Variants in CTNNA2 observed in about 807,000 individuals in gnomAD.
CTNNA2 encodes catenin alpha-2.
In CTNNA2, 42 loss-of-function variants were observed where a neutral mutation model predicts 101.0. The observed-to-expected ratio is 0.42, with a 90% CI of 0.32 to 0.54. The LOEUF (loss-of-function observed/expected upper bound fraction) is 0.54. Among genes scored for constraint, CTNNA2 ranks in the 20% least tolerant of loss-of-function variants. The probability of loss-of-function intolerance (pLI) is 0.14; values close to 1 mark genes in which losing one functional copy is unlikely to be tolerated. For synonymous variants in CTNNA2, 450 were observed against 456.4 expected, an observed-to-expected ratio of 0.99 and a Z score of 0.18; for missense variants, 871 against 1,223.1, an observed-to-expected ratio of 0.71 and a Z score of 4.29.
intron 4 of CTNNA2, among the ~76,000 whole-genome samples, chr2:79,404,050 TCTTTC>T (rs1362189229): frequency 1.3e-5 from 2 of 151,988 alleles, no homozygotes; most frequent in Non-Finnish European, 2.9e-5. Flanking sequence ...GAATTCTTGC[TCTTTC>T]CTTCTGTTTC....
intron 7 of CTNNA2, among the ~76,000 whole-genome samples, chr2:79,950,570 T>C (rs754546493): frequency 3.9e-5 from 6 of 152,222 alleles, no homozygotes; most frequent in Non-Finnish European, 8.8e-5. Flanking sequence ...GTAAAGAATG[T>C]TTACTGACTG....
At chr2:79,608,362 A>G (rs1263514592) in intron 1 of CTNNA2, among the ~76,000 whole-genome samples, 1 of 152,076 alleles carries the variant, frequency 6.6e-6, no homozygotes, top group East Asian at 1.9e-4. Context: ...GTTCTATACA[A>G]TTATCTTACA....
intron 4 of CTNNA2, among the ~76,000 whole-genome samples, chr2:79,443,788 AT>A (rs1678801463): frequency 6.6e-6 from 1 of 152,092 alleles, no homozygotes; most frequent in Admixed American, 6.6e-5. Flanking sequence ...ACATCCTGAT[AT>A]TATGTAAGGC....
intron 7 of CTNNA2, among the ~76,000 whole-genome samples, chr2:80,204,343 A>C (rs554193774): frequency 3.6e-4 from 55 of 152,280 alleles, no homozygotes; most frequent in African/African-American, 1.3e-3. Context: ...TTCCCCTTTA[A>C]AACTGAATGC....
chr2:79,562,533 A>G (rs1674844264), intron 1 of CTNNA2, among the ~76,000 whole-genome samples: 1 of 152,044 alleles, frequency 6.6e-6, no homozygotes, highest in South Asian at 2.1e-4. Context: ...CTAGCTGCCT[A>G]CAATCTGTTT....
At chr2:79,439,442 T>C (rs528769692) in intron 4 of CTNNA2, among the ~76,000 whole-genome samples, 10 of 152,306 alleles carry the variant, frequency 6.6e-5, no homozygotes, top group Non-Finnish European at 1.0e-4. Flanking sequence ...TGACTGCTGA[T>C]GGGTACAGAG....
intron 7 of CTNNA2, among the ~76,000 whole-genome samples, chr2:80,184,722 T>C (rs1706000342): frequency 6.6e-6 from 1 of 152,306 alleles, no homozygotes; most frequent in South Asian, 2.1e-4. Flanking sequence ...CTTTAGTTTG[T>C]TTTATATACC....
At chr2:79,773,420 C>T (rs1673733435) in intron 3 of CTNNA2, among the ~76,000 whole-genome samples, 1 of 152,112 alleles carries the variant, frequency 6.6e-6, no homozygotes, top group Non-Finnish European at 1.5e-5. Context: ...CAATATATGT[C>T]TCCCGTTCAG....
At chr2:79,256,675 G>A (rs1382842840) in intron 2 of CTNNA2, among the ~76,000 whole-genome samples, 1 of 152,112 alleles carries the variant, frequency 6.6e-6, no homozygotes, top group Non-Finnish European at 1.5e-5. Flanking sequence ...GTTCCTGTCC[G>A]AGTTACTCCT....
intron 7 of CTNNA2, among the ~76,000 whole-genome samples, chr2:80,330,243 C>A (rs1671198808): frequency 6.6e-6 from 1 of 152,230 alleles, no homozygotes; most frequent in South Asian, 2.1e-4. Flanking sequence ...CTTAGTCTTC[C>A]TAATAATCCT....
intron 7 of CTNNA2, among the ~76,000 whole-genome samples, chr2:80,063,939 C>T (rs2148762861): frequency 6.6e-6 from 1 of 152,220 alleles, no homozygotes; most frequent in East Asian, 1.9e-4. Flanking sequence ...GTCTAGGCTA[C>T]ACTACCAAGG....
intron 2 of CTNNA2, among the ~76,000 whole-genome samples, chr2:79,249,999 G>C (rs561843731): frequency 2.0e-5 from 3 of 152,284 alleles, no homozygotes; most frequent in African/African-American, 7.2e-5. Context: ...TGCTACTGCT[G>C]TGTTCCATAA....
At chr2:80,021,794 T>C (rs889513987) in intron 7 of CTNNA2, among the ~76,000 whole-genome samples, 13 of 152,154 alleles carry the variant, frequency 8.5e-5, no homozygotes, top group African/African-American at 3.1e-4. Context: ...CCGTGTTATA[T>C]AATACATCTC....
At chr2:80,020,307 G>A (rs1021996527) in intron 7 of CTNNA2, among the ~76,000 whole-genome samples, 1 of 152,186 alleles carries the variant, frequency 6.6e-6, no homozygotes, top group East Asian at 1.9e-4. Context: ...ACAAGGGGGT[G>A]TTGCTGTCTG....
At chr2:80,179,051 T>A (rs966176745) in intron 7 of CTNNA2, among the ~76,000 whole-genome samples, 1 of 152,036 alleles carries the variant, frequency 6.6e-6, no homozygotes. Flanking sequence ...TGCCAGAGAG[T>A]TGATGTACCC....
At chr2:79,228,218 G>A (rs1360836432) in intron 2 of CTNNA2, among the ~76,000 whole-genome samples, 2 of 152,158 alleles carry the variant, frequency 1.3e-5, no homozygotes, top group African/African-American at 2.4e-5. Flanking sequence ...GTGAACATAT[G>A]GGTGCATGGG....
chr2:79,576,259 C>T (rs1675791438), intron 1 of CTNNA2, among the ~76,000 whole-genome samples: 1 of 151,954 alleles, frequency 6.6e-6, no homozygotes, highest in Admixed American at 6.6e-5. Flanking sequence ...AGAAATCAAT[C>T]GAATTTACCT....
chr2:79,289,050 G>T (rs1019673125), intron 2 of CTNNA2, among the ~76,000 whole-genome samples: 3 of 152,150 alleles, frequency 2.0e-5, no homozygotes, highest in Non-Finnish European at 2.9e-5. Flanking sequence ...TAGAATTTTA[G>T]GGTATGTGAA....
intron 6 of CTNNA2, among the ~76,000 whole-genome samples, chr2:79,878,128 C>T (rs1286952097): frequency 6.6e-6 from 1 of 152,214 alleles, no homozygotes; most frequent in East Asian, 1.9e-4. Flanking sequence ...CATCCACGTC[C>T]CTGCAAAGGA....
Sources: gnomAD v4.1 joint callset for allele counts (sites outside exome capture counted in the v4.1 genomes callset) on GRCh38, gnomAD v4.1.1 for gene constraint, MANE v1.5 for transcripts, NCBI Gene and HGNC (gene_info 2026-07-23, HGNC 2026-07-21) for gene names.